EXOC6: variants seen among roughly 807,000 people sequenced by gnomAD.
EXOC6 encodes SEC15-like 1.
Under a neutral mutation model 112.5 loss-of-function variants are expected in EXOC6, and 60 were observed. The observed-to-expected ratio is 0.53, with a 90% CI of 0.43 to 0.66. The LOEUF (loss-of-function observed/expected upper bound fraction) is 0.66, where lower values mean the gene tolerates loss of function less well. Among genes scored for constraint, EXOC6 ranks in the 30% least tolerant of loss-of-function variants. The pLI, the probability that EXOC6 is intolerant of heterozygous loss-of-function variation, is 0.00. For missense variants in EXOC6, 855 were observed against 957.1 expected (o/e 0.89, Z 1.41); for synonymous variants, 295 against 308.0 (o/e 0.96, Z 0.44).
intron 1 of EXOC6, among the ~76,000 whole-genome samples, chr10:92,839,896 A>T (rs1428281327): frequency 2.9e-4 from 44 of 152,130 alleles, no homozygotes; most frequent in Non-Finnish European, 7.4e-5. Flanking sequence ...GCTGGGAAAA[A>T]TAGGAGGAAA....
rs187022127 is a variant in EXOC6 at position 92,918,013 on chromosome 10, A to C, written c.820-1969A>C. Among the ~76,000 whole-genome samples the C allele has an allele frequency of 3.9e-3, 590 of 152,214 alleles. 4 individuals carry two copies. Among genetic ancestry groups the C allele is most frequent in the African/African-American group, 0.013 (543 of 41,552 alleles). On this transcript the variant is annotated intron_variant, in intron 7 of 21. Transcript: ENST00000260762. ...AAAAAATACAAAAAAATTGCCAGGCATAGTGCCTGTATTCCCAGCTACTGG... is the reference window on the plus strand; with the variant it reads ...AAAAAATACAAAAAAATTGCCAGGCCTAGTGCCTGTATTCCCAGCTACTGG...
chr10:92,943,333 A>T lies in EXOC6; in HGVS notation c.1310+2509A>T, dbSNP rs59712092. ...CCTCCTGGCCACCTAAATTTTTAAG[A>T]AGTAGCACAACTTAAGCTTTGCTTA... is the stretch of plus-strand genomic sequence containing the variant. On this transcript the variant is annotated intron_variant, in intron 13 of 21. Transcript: ENST00000260762. Among the ~76,000 whole-genome samples the T allele has an allele frequency of 7.9e-4, 120 of 152,222 alleles. 1 individual carries two copies. Among genetic ancestry groups the T allele is most frequent in the Middle Eastern group, 3.4e-3 (1 of 294 alleles).
At chr10:92,981,101 A>G (rs17093820) in intron 18 of EXOC6, among the ~76,000 whole-genome samples, 4,613 of 152,318 alleles carry the variant, frequency 0.03, 172 homozygotes, top group East Asian at 0.15. Flanking sequence ...CTATGCATTT[A>G]TGACACTATT....
At chr10:92,949,353 G>A (rs1230416345) in intron 14 of EXOC6, among the ~76,000 whole-genome samples, 1 of 152,164 alleles carries the variant, frequency 6.6e-6, no homozygotes, top group Non-Finnish European at 1.5e-5. Flanking sequence ...TGTAGCTAAT[G>A]CCGCCATTGC....
chr10:93,015,991 TG>T (rs1328948392), intron 20 of EXOC6, among the ~76,000 whole-genome samples: 1 of 152,226 alleles, frequency 6.6e-6, no homozygotes, highest in Non-Finnish European at 1.5e-5. Flanking sequence ...GTGAAGAAGG[TG>T]GTCTTTATTA....
intron 18 of EXOC6, among the ~76,000 whole-genome samples, chr10:92,978,659 G>T (rs948466498): frequency 6.6e-6 from 1 of 152,180 alleles, no homozygotes; most frequent in Admixed American, 6.5e-5. Context: ...TCTAGATGAA[G>T]TATGGCATTA....
intron 1 of EXOC6, among the ~76,000 whole-genome samples, chr10:92,890,457 T>G (rs1849440852): frequency 6.6e-6 from 1 of 152,204 alleles, no homozygotes; most frequent in Non-Finnish European, 1.5e-5. Flanking sequence ...GACACTATTC[T>G]AGGGCTGGGG....
intron 18 of EXOC6, among the ~76,000 whole-genome samples, chr10:92,975,383 T>A (rs1249235803): frequency 1.4e-5 from 2 of 143,950 alleles, no homozygotes; most frequent in Admixed American, 6.8e-5. Context: ...CCGCCCCGTC[T>A]GAGAAGTGAG....
intron 19 of EXOC6, among the ~76,000 whole-genome samples, chr10:93,000,739 C>CA (rs1002185051): frequency 6.6e-6 from 1 of 151,672 alleles, no homozygotes; most frequent in African/African-American, 2.4e-5. Context: ...ACTGATGGGA[C>CA]AAAAAAAATT....
At chr10:92,957,837 G>A (rs1032957369) in intron 17 of EXOC6, among the ~76,000 whole-genome samples, 1 of 152,184 alleles carries the variant, frequency 6.6e-6, no homozygotes, top group Non-Finnish European at 1.5e-5. Context: ...TCCATTCATA[G>A]TGAATAGTCT....
intron 9 of EXOC6, among the ~76,000 whole-genome samples, chr10:92,930,467 C>T (rs1234352919): frequency 6.6e-6 from 1 of 151,888 alleles, no homozygotes; most frequent in African/African-American, 2.4e-5. Flanking sequence ...CGCACCATTG[C>T]ACTCCAGCCT....
At position 92,848,632 on chromosome 10, in the gene EXOC6, C is replaced by G. The variant is rs757376846; in HGVS notation, c.99C>G (p.Leu33=). The change falls in exon 1 of 22, where the codon CTC becomes CTG. Residue 33 remains leucine, a splice_region_variant and synonymous_variant. Coordinates refer to ENST00000260762, the MANE Select transcript of EXOC6 (RefSeq NM_019053.6). ...STDTACVGPT[L]RSVYDDQPNA... is the part of the protein sequence containing the mutation. Reference sequence around the variant, plus strand: ...ACACCGCCTGTGTGGGGCCCACCCTCCGGTAAAGATCTCATCCCACCGGGA... The same window carrying G: ...ACACCGCCTGTGTGGGGCCCACCCTGCGGTAAAGATCTCATCCCACCGGGA... 1 of 1,420,122 alleles carries G rather than the reference C, an allele frequency of 7.0e-7. No homozygotes were observed. The highest frequency in any genetic ancestry group is 1.3e-5 in the South Asian group (1 of 78,048). The allele number at this position is 1,420,122 out of a possible 1,614,324, so 88.0% of individuals were successfully genotyped here. A position where few individuals can be genotyped will look rare whatever the true frequency, so the allele number is the denominator to read the frequency against.
At chr10:92,926,434 T>A (rs2133928316) in intron 8 of EXOC6, among the ~76,000 whole-genome samples, 1 of 152,002 alleles carries the variant, frequency 6.6e-6, no homozygotes, top group African/African-American at 2.4e-5. Flanking sequence ...TGTTAAGGAA[T>A]AATGTGTTCA....
chr10:93,000,634 G>T (rs943027156), intron 19 of EXOC6, among the ~76,000 whole-genome samples: 1 of 152,108 alleles, frequency 6.6e-6, no homozygotes, highest in Non-Finnish European at 1.5e-5. Context: ...AGACAACTCG[G>T]ATTCCTTTAA....
At chr10:93,006,702 G>T (rs1024550815) in intron 19 of EXOC6, among the ~76,000 whole-genome samples, 3 of 152,068 alleles carry the variant, frequency 2.0e-5, no homozygotes, top group Non-Finnish European at 2.9e-5. Context: ...TACTTTGTTT[G>T]TCTAATAACA....
At chr10:92,989,600 C>G (rs114366656) in intron 18 of EXOC6, among the ~76,000 whole-genome samples, 2,223 of 152,264 alleles carry the variant, frequency 0.015, 54 homozygotes, top group African/African-American at 0.051. Flanking sequence ...AGGAGAAATA[C>G]TTTGTCCTGT....
chr10:93,022,967 G>A (rs1296909444), intron 20 of EXOC6, among the ~76,000 whole-genome samples: 1 of 146,682 alleles, frequency 6.8e-6, no homozygotes, highest in Non-Finnish European at 1.5e-5. Context: ...TTACATTTCA[G>A]TTGGGGTTCT....
chr10:92,911,931 C>T (rs1536331), intron 6 of EXOC6, among the ~76,000 whole-genome samples: 1 of 44,104 alleles, frequency 2.3e-5, no homozygotes, highest in Non-Finnish European at 4.4e-5. Flanking sequence ...CTCTCTCTCT[C>T]TGTGTGCGTG....
chr10:92,992,240 A>G (rs1280654058), intron 18 of EXOC6, among the ~76,000 whole-genome samples: 2 of 136,078 alleles, frequency 1.5e-5, no homozygotes, highest in Non-Finnish European at 3.0e-5. Context: ...GTGAGCCGAG[A>G]TCCTTCCATT....
Sources: gnomAD v4.1 joint callset for allele counts (sites outside exome capture counted in the v4.1 genomes callset) on GRCh38, gnomAD v4.1.1 for gene constraint, MANE v1.5 for transcripts, NCBI Gene and HGNC (gene_info 2026-07-23, HGNC 2026-07-21) for gene names.